The following ARHGEF10L variants were observed in gnomAD, a reference collection of about 807,000 sequenced individuals.
ARHGEF10L encodes the protein rho guanine nucleotide exchange factor 10-like protein.
In ARHGEF10L, 69 loss-of-function variants were observed where a neutral mutation model predicts 141.2. The observed-to-expected ratio is 0.49, with a 90% CI of 0.40 to 0.60. The LOEUF is 0.60. Ranked by LOEUF, ARHGEF10L falls within the 20% of genes least tolerant of loss-of-function variation. The pLI is 0.00. For missense variants in ARHGEF10L, 1,482 were observed against 1,734.3 expected (o/e 0.85, Z 2.58); for synonymous variants, 711 against 718.5 (o/e 0.99, Z 0.17).
chr1:17,670,339 G>A (rs541435915), intron 26 of ARHGEF10L, among the ~76,000 whole-genome samples: 12 of 152,372 alleles, frequency 7.9e-5, no homozygotes, highest in African/African-American at 2.9e-4. Flanking sequence ...GATCCCAGCA[G>A]AGGCAGAAGC....
chr1:17,553,175 G>C (rs1336191962), intron 1 of ARHGEF10L, among the ~76,000 whole-genome samples: 1 of 152,162 alleles, frequency 6.6e-6, no homozygotes, highest in Admixed American at 6.5e-5. Context: ...CTCAGAGGGG[G>C]ACTGGACTGG....
intron 15 of ARHGEF10L, among the ~76,000 whole-genome samples, chr1:17,629,797 A>T (rs2060579883): frequency 6.6e-6 from 1 of 152,066 alleles, no homozygotes; most frequent in Admixed American, 6.6e-5. Flanking sequence ...TGCGCTCAGG[A>T]ATCTTCTCCT....
At chr1:17,669,309 G>C (rs1326869189) in intron 26 of ARHGEF10L, among the ~76,000 whole-genome samples, 1 of 152,184 alleles carries the variant, frequency 6.6e-6, no homozygotes, top group Non-Finnish European at 1.5e-5. Flanking sequence ...TTACCTCTAA[G>C]GGGCTTTTTC....
At chr1:17,624,285 T>G (rs1262826235) in intron 12 of ARHGEF10L, 102 bp from the exon 13 acceptor site, 1 of 868,980 alleles carries the variant, frequency 1.2e-6, no homozygotes, top group Non-Finnish European at 1.9e-6. Flanking sequence ...GGCGCCCTTC[T>G]GCTCCCTGCC....
chr1:17,519,323 G>T, the ARHGEF10L span, among the ~76,000 whole-genome samples: 3 of 151,134 alleles, frequency 2.0e-5, no homozygotes, highest in African/African-American at 7.3e-5. Context: ...TAAGAAGGAG[G>T]AAACTGGATG....
chr1:17,543,333 A>G (rs2076798472), intron 1 of ARHGEF10L, among the ~76,000 whole-genome samples: 1 of 152,242 alleles, frequency 6.6e-6, no homozygotes, highest in South Asian at 2.1e-4. Context: ...GTGTAATCCC[A>G]GCACTTTGGG....
rs1343269488 is a variant in ARHGEF10L, at chr1:17,621,350, A to G, written c.943-514A>G. Among the ~76,000 whole-genome samples, 2 of 152,062 alleles carry G rather than the reference A, an allele frequency of 1.3e-5. No homozygotes were observed. Among genetic ancestry groups the G allele is most frequent in the African/African-American group, 4.8e-5 (2 of 41,408 alleles). ...CAGGTTCCAGCAATTCTCTTGCTTC[A>G]GCCTCCAAAGTAGCTGGGACTATAG... On this transcript the variant is annotated intron_variant, in intron 10 of 28. Transcript: ENST00000361221. This position sits in a 1 kb window ranked among gnomAD's most constrained non-coding sequence, Gnocchi z 4.1.
chr1:17,630,510 G>A (rs2060620017), intron 15 of ARHGEF10L, among the ~76,000 whole-genome samples: 2 of 152,240 alleles, frequency 1.3e-5, no homozygotes, highest in South Asian at 4.1e-4. Context: ...GGCCTTAGCA[G>A]CTGTGGGGGA....
chr1:17,547,075 C>T (rs538631313), intron 1 of ARHGEF10L, among the ~76,000 whole-genome samples: 1 of 152,350 alleles, frequency 6.6e-6, no homozygotes, highest in South Asian at 2.1e-4. Context: ...AGGGCCTGGC[C>T]CGGCTGTGCC....
chr1:17,639,976 G>C lies in ARHGEF10L; in HGVS notation c.2172-226G>C. 6.7e-7 allele frequency: 1 copy of C among 1,495,346 alleles called. No individual in the cohort carries two copies. The highest frequency in any genetic ancestry group is 8.9e-7 in the Non-Finnish European group (1 of 1,123,964). The allele number at this position is 1,495,346 out of a possible 1,614,324, so 92.6% of individuals were successfully genotyped here. ...CTGGGGAGCGTGGCTCAGCCACCCTGGCCAGGTACCTCCCTCTGGGGGTCA... is the reference window on the plus strand; with the variant it reads ...CTGGGGAGCGTGGCTCAGCCACCCTCGCCAGGTACCTCCCTCTGGGGGTCA... On this transcript the variant is annotated intron_variant, in intron 20 of 28. Coordinates refer to ENST00000361221, the MANE Select transcript of ARHGEF10L (RefSeq NM_018125.4). The surrounding 1 kb of genome is among the most constrained non-coding windows in gnomAD (Gnocchi z 4.3).
intron 22 of ARHGEF10L, among the ~76,000 whole-genome samples, chr1:17,653,944 C>A (rs553375191): frequency 2.6e-5 from 4 of 152,218 alleles, no homozygotes; most frequent in Admixed American, 2.0e-4. Flanking sequence ...CCTTTAGCAC[C>A]AGCAGAGGGC....
At position 17,664,505 on chromosome 1, in the gene ARHGEF10L, T is replaced by C. The variant is rs2062847011; in HGVS notation, c.2919T>C (p.Pro973=). 6.2e-7 allele frequency: 1 copy of C among 1,607,956 alleles called. No individual in the cohort carries two copies. The highest frequency in any genetic ancestry group is 8.5e-7 in the Non-Finnish European group (1 of 1,179,640). ...TGTGCCTGACTGTGGGGCCCGGGCC[T>C]GTCCGCACCCTGTTGAGCCTGGAGG... is the stretch of plus-strand genomic sequence containing the variant. ...PPVCLTVGPG[P]VRTLLSLEDA... is the part of the protein sequence containing the mutation. The change falls in exon 26 of 29, where the codon CCT becomes CCC. Residue 973 remains proline, a synonymous_variant. Transcript: ENST00000361221.
At chr1:17,685,494 C>A (rs556676030) in intron 26 of ARHGEF10L, among the ~76,000 whole-genome samples, 161 of 152,344 alleles carry the variant, frequency 1.1e-3, no homozygotes, top group African/African-American at 3.7e-3. Context: ...AGGTCTCTCA[C>A]TAAATGTCAC....
the ARHGEF10L span, among the ~76,000 whole-genome samples, chr1:17,533,123 A>G: frequency 6.6e-6 from 1 of 152,160 alleles, no homozygotes; most frequent in African/African-American, 2.4e-5. Context: ...AAGTGGCTCA[A>G]GTGAAGGGGG....
At chr1:17,694,665 G>A (rs764262920) in intron 27 of ARHGEF10L, 2 of 336,642 alleles carry the variant, frequency 5.9e-6, no homozygotes, top group Non-Finnish European at 1.2e-5. Flanking sequence ...GCCCTGAGGG[G>A]CTGCAGCAGA....
the ARHGEF10L span, among the ~76,000 whole-genome samples, chr1:17,518,352 C>T: frequency 2.0e-5 from 3 of 152,168 alleles, no homozygotes; most frequent in Admixed American, 6.5e-5. Flanking sequence ...ACCTTTGAGA[C>T]CCCATCCTCG....
chr1:17,618,252 A>AG, intron 9 of ARHGEF10L: 5 of 1,356,314 alleles, frequency 3.7e-6, no homozygotes, highest in South Asian at 1.5e-5. Context: ...GGCTCTCCTC[A>AG]GCCCTCCCCA....
intron 26 of ARHGEF10L, among the ~76,000 whole-genome samples, chr1:17,675,881 T>G (rs2063650429): frequency 1.4e-5 from 2 of 147,328 alleles, no homozygotes; most frequent in South Asian, 4.4e-4. Context: ...GGTGCAGGTG[T>G]AGGTGCAGGC....
intron 4 of ARHGEF10L, among the ~76,000 whole-genome samples, chr1:17,599,989 C>A (rs565273711): frequency 6.6e-6 from 1 of 152,232 alleles, no homozygotes; most frequent in Non-Finnish European, 1.5e-5. Context: ...CAGGCAGGAG[C>A]ATTCTCGCCA....
Sources: gnomAD v4.1 joint callset for allele counts (sites outside exome capture counted in the v4.1 genomes callset) on GRCh38, gnomAD v4.1.1 for gene constraint, Gnocchi (gnomAD v3.1) non-coding constraint, MANE v1.5 for transcripts, NCBI Gene and HGNC (gene_info 2026-07-23, HGNC 2026-07-21) for gene names.